TTC22: variants seen among roughly 807,000 people sequenced by gnomAD.
TTC22 encodes tetratricopeptide repeat domain 22, also known as tetratricopeptide repeat protein 22.
Under a neutral mutation model 48.2 loss-of-function variants are expected in TTC22, and 42 were observed. That is an observed-to-expected ratio of 0.87 (90% CI 0.68 to 1.13). The LOEUF (loss-of-function observed/expected upper bound fraction) is 1.13, where lower values mean the gene tolerates loss of function less well. Ranked by LOEUF, TTC22 falls within the 50% of genes most tolerant of loss-of-function variation. The pLI is 0.00. For synonymous variants in TTC22, 345 were observed against 365.5 expected, an observed-to-expected ratio of 0.94 and a Z score of 0.64; for missense variants, 784 against 807.0, an observed-to-expected ratio of 0.97 and a Z score of 0.34.
At position 54,782,495 on chromosome 1, in the gene TTC22, G is replaced by A. The variant is rs1481243067; in HGVS notation, c.1021-18C>T. 1 of 1,528,182 alleles carries A rather than the reference G, an allele frequency of 6.5e-7. No individual in the cohort carries two copies. The highest frequency in any genetic ancestry group is 2.5e-5 in the East Asian group (1 of 40,212). The allele number at this position is 1,528,182 out of a possible 1,614,324, so 94.7% of individuals were successfully genotyped here. On this transcript the variant is annotated intron_variant, in intron 5 of 6. Coordinates refer to ENST00000371276, the MANE Select transcript of TTC22 (RefSeq NM_001114108.2). The stretch of plus-strand genomic sequence containing the variant: ...ATGTGGATCTGCCAACAGAGAGCCA[G>A]CTTAGGAAAGATGATCCAGGCAAGG...
At position 54,787,037 on chromosome 1, in the gene TTC22, TC is replaced by T; in HGVS notation, c.777del (p.Lys260ArgfsTer22). On this transcript the variant is annotated frameshift_variant, in exon 4 of 7. Coordinates refer to ENST00000371276, the MANE Select transcript of TTC22 (RefSeq NM_001114108.2). LOFTEE classifies it high-confidence loss of function. ...AWCYLGMLLERKDTFSTTPMG... is the reference protein window; with the variant it reads ...AWCYLGMLLEXKDTFSTTPMG... ...ATGGGGGTGGTGGAGAAGGTGTCCT[TC>T]CGCTCCAGCAGCATCCCGAGGTAGC... 1 of 1,552,342 alleles carries T rather than the reference TC, an allele frequency of 6.4e-7. No homozygotes were observed. Among genetic ancestry groups the T allele is most frequent in the Non-Finnish European group, 8.7e-7 (1 of 1,148,868 alleles).
In TTC22 at chr1:54,780,928, T is replaced by C. The variant is rs192570155; in HGVS notation, c.*315A>G. 736 of 247,546 alleles carry C rather than the reference T, an allele frequency of 3.0e-3. 12 individuals are homozygous for C. The highest frequency in any genetic ancestry group is 2.4e-4 in the Non-Finnish European group (31 of 129,974). 15.3% of individuals were successfully genotyped at this position (247,546 alleles called of 1,614,324 possible). On this transcript the variant is annotated 3_prime_UTR_variant, in exon 7 of 7. Transcript: ENST00000371276. Reference sequence around the variant, plus strand: ...CACACTGAGGTAGCTGTCTTCTGTTTCTCTCAGAAGCCTCACAACCATCTT... The same window carrying C: ...CACACTGAGGTAGCTGTCTTCTGTTCCTCTCAGAAGCCTCACAACCATCTT...
Position 54,787,952 on chromosome 1 carries a change from C to T in TTC22, c.623+90G>A, listed in dbSNP as rs375450833. Reference sequence around the variant, plus strand: ...GGGAGCCCTTTCCAGTAGGAAGGGCCCAGCCACCTCTGCCCTTACCCTGCT... The same window carrying T: ...GGGAGCCCTTTCCAGTAGGAAGGGCTCAGCCACCTCTGCCCTTACCCTGCT... On this transcript the variant is annotated intron_variant, in intron 2 of 6. Coordinates refer to ENST00000371276, the MANE Select transcript of TTC22 (RefSeq NM_001114108.2). 452 of 1,490,414 alleles carry T rather than the reference C, an allele frequency of 3.0e-4. 7 individuals are homozygous for T. In the South Asian group the frequency reaches 4.9e-3, roughly 16 times the overall value. The allele number at this position is 1,490,414 out of a possible 1,614,324, so 92.3% of individuals were successfully genotyped here. A position where few individuals can be genotyped will look rare whatever the true frequency, so the allele number is the denominator to read the frequency against.
At chr1:54,788,155 A>C in intron 1 of TTC22, 58 bp from the exon 2 acceptor site, 1 of 1,539,874 alleles carries the variant, frequency 6.5e-7, no homozygotes, top group East Asian at 2.2e-5. Flanking sequence ...GCCATTGTTC[A>C]TAAACTCCCA....
At chr1:54,793,558 C>A (rs1646368485) in intron 1 of TTC22, among the ~76,000 whole-genome samples, 1 of 152,202 alleles carries the variant, frequency 6.6e-6, no homozygotes, top group Admixed American at 6.5e-5. Flanking sequence ...ATCCTCAGAA[C>A]AGCCTCATGG....
intron 1 of TTC22, among the ~76,000 whole-genome samples, chr1:54,792,053 G>A (rs1646355992): frequency 6.6e-6 from 1 of 152,272 alleles, no homozygotes; most frequent in Non-Finnish European, 1.5e-5. Flanking sequence ...TAATTCAAGA[G>A]CCTGGTTAAG....
rs1570102203 is a variant in TTC22, at chr1:54,781,027, G to T, written c.*216C>A. On this transcript the variant is annotated 3_prime_UTR_variant, in exon 7 of 7. Coordinates refer to ENST00000371276, the MANE Select transcript of TTC22 (RefSeq NM_001114108.2). The stretch of plus-strand genomic sequence containing the variant: ...CAGTGTTTTCTCACCTCTGCTCCCA[G>T]CCTCTTCTGCTCTCGGGAATCAGGC... The T allele has an allele frequency of 5.0e-6, 2 of 399,304 alleles. No individual in the cohort carries two copies. The highest frequency in any genetic ancestry group is 3.8e-5 in the East Asian group (1 of 26,240). The allele number at this position is 399,304 out of a possible 1,614,324, so 24.7% of individuals were successfully genotyped here.
chr1:54,791,152 G>A (rs758480355), intron 1 of TTC22, among the ~76,000 whole-genome samples: 7 of 152,118 alleles, frequency 4.6e-5, no homozygotes, highest in Admixed American at 1.3e-4. Flanking sequence ...GAGCCACCGC[G>A]TCCGGCCCCC....
rs1233625380 is a variant in TTC22, at chr1:54,787,086, A to G, written c.740-11T>C. 1.4e-6 allele frequency: 2 copies of G among 1,389,112 alleles called. No homozygotes were observed. Among genetic ancestry groups the G allele is most frequent in the African/African-American group, 1.4e-5 (1 of 69,218 alleles). The allele number at this position is 1,389,112 out of a possible 1,614,324, so 86.0% of individuals were successfully genotyped here. A position where few individuals can be genotyped will look rare whatever the true frequency, so the allele number is the denominator to read the frequency against. On this transcript the variant is annotated splice_polypyrimidine_tract_variant and intron_variant, in intron 3 of 6. Coordinates refer to ENST00000371276, the MANE Select transcript of TTC22 (RefSeq NM_001114108.2). ...AGCACCAGGCCAGGGCTGGGGGTGA[A>G]GGGTGGGAGAGGGTCTCTAGGAAGC...
Position 54,788,130 on chromosome 1 carries a change from T to A in TTC22, c.568-33A>T, listed in dbSNP as rs1300860707. The A allele has an allele frequency of 2.5e-6, 4 of 1,602,418 alleles. No individual in the cohort carries two copies. The East Asian group carries it at 6.7e-5, about 27-fold the overall frequency. Reference sequence around the variant, plus strand: ...AACAGAGAACAGCCCACACTGCCATTACTGAGGTACTCTGGCCATTGTTCA... The same window carrying A: ...AACAGAGAACAGCCCACACTGCCATAACTGAGGTACTCTGGCCATTGTTCA... On this transcript the variant is annotated intron_variant, in intron 1 of 6. Coordinates refer to ENST00000371276, the MANE Select transcript of TTC22 (RefSeq NM_001114108.2).
intron 1 of TTC22, among the ~76,000 whole-genome samples, chr1:54,790,843 G>GTCC (rs1159472389): frequency 6.8e-6 from 1 of 147,726 alleles, no homozygotes; most frequent in Non-Finnish European, 1.5e-5. Flanking sequence ...CTTCTTCTCC[G>GTCC]TCCTCCTCCT....
Position 54,801,175 on chromosome 1 carries a change from C to T in TTC22, c.-12G>A. 1 of 1,609,366 alleles carries T rather than the reference C, an allele frequency of 6.2e-7. No homozygotes were observed. ...TCCAGCTCCGCCATGACTGCTCCCTCTGCTCCCCTGGCCTCACCCTTGTCC... is the reference window on the plus strand; with the variant it reads ...TCCAGCTCCGCCATGACTGCTCCCTTTGCTCCCCTGGCCTCACCCTTGTCC... On this transcript the variant is annotated 5_prime_UTR_variant, in exon 1 of 7. Transcript: ENST00000371276.
Position 54,782,354 on chromosome 1 carries a change from C to T in TTC22, c.1144G>A (p.Gly382Ser), listed in dbSNP as rs116444497. Reference sequence around the variant, plus strand: ...CCGATGTCCAGGTACGCCTTGAAGCCTGGGCACACCCTGACCACTTCCTCA... The same window carrying T: ...CCGATGTCCAGGTACGCCTTGAAGCTTGGGCACACCCTGACCACTTCCTCA... ...DLEEVVRVCP[G>S]FKAYLDIGQV... Residue 382 changes from glycine to serine, a missense_variant, in exon 6 of 7, where the codon GGC (glycine) becomes AGC (serine). By Grantham distance (56) the Gly-to-Ser change is moderately conservative. Transcript: ENST00000371276. The T allele has an allele frequency of 1.3e-6, 2 of 1,547,928 alleles. No individual in the cohort carries two copies. The highest frequency in any genetic ancestry group is 2.7e-5 in the African/African-American group (2 of 72,810).
At chr1:54,786,936 G>C in intron 4 of TTC22, 21 bp downstream of exon 4, 1 of 1,286,848 alleles carries the variant, frequency 7.8e-7, no homozygotes, top group Non-Finnish European at 1.1e-6. Flanking sequence ...TTAGAGGGTG[G>C]GTGTGGCTGG....
chr1:54,800,071 A>G (rs137954790), intron 1 of TTC22, among the ~76,000 whole-genome samples: 7 of 152,236 alleles, frequency 4.6e-5, no homozygotes, highest in African/African-American at 1.7e-4. Flanking sequence ...CATGCCCTAC[A>G]ACCTGTACTT....
At position 54,800,951 on chromosome 1, in the gene TTC22, G is replaced by T. The variant is rs1238217333; in HGVS notation, c.213C>A (p.Leu71=). ...AAPQRPAVRH[L]LGAFAFYLEE... Reference sequence around the variant, plus strand: ...CCAGGTAGAATGCGAAAGCGCCCAGGAGGTGACGCACAGCGGGGCGCTGCG... The same window carrying T: ...CCAGGTAGAATGCGAAAGCGCCCAGTAGGTGACGCACAGCGGGGCGCTGCG... Residue 71 remains leucine (L), a synonymous_variant, in exon 1 of 7, where the codon CTC becomes CTA. Coordinates refer to ENST00000371276, the MANE Select transcript of TTC22 (RefSeq NM_001114108.2). 6.2e-7 allele frequency: 1 copy of T among 1,606,810 alleles called. No homozygotes were observed. Among genetic ancestry groups the T allele is most frequent in the Admixed American group, 1.7e-5 (1 of 59,598 alleles).
chr1:54,797,225 T>C (rs931768561), intron 1 of TTC22, among the ~76,000 whole-genome samples: 1 of 152,180 alleles, frequency 6.6e-6, no homozygotes, highest in Non-Finnish European at 1.5e-5. Context: ...AATCTAGAGA[T>C]TTGCTACCAA....
At chr1:54,784,726 A>C (rs1043451127) in intron 5 of TTC22, 19 of 1,251,186 alleles carry the variant, frequency 1.5e-5, no homozygotes, top group Middle Eastern at 2.2e-4. Flanking sequence ...TAGATTTGCC[A>C]CTAGGTCATG....
At chr1:54,784,478 T>G in intron 5 of TTC22, 3 of 917,972 alleles carry the variant, frequency 3.3e-6, no homozygotes, top group Non-Finnish European at 3.9e-6. Context: ...TGTGGCCTCA[T>G]TTGTAGGATG....
Sources: allele counts gnomAD v4.1 joint callset (sites outside exome capture counted in the v4.1 genomes callset), GRCh38; gene constraint gnomAD v4.1.1; transcripts MANE v1.5; gene names NCBI Gene and HGNC (gene_info 2026-07-23, HGNC 2026-07-21).